The following PCBD1 variants were observed in gnomAD, a reference collection of about 807,000 sequenced individuals.
The protein encoded by PCBD1 is pterin-4-alpha-carbinolamine dehydratase.
In PCBD1, 16 loss-of-function variants were observed where a neutral mutation model predicts 12.6. The observed-to-expected ratio is 1.27, with a 90% CI of 0.86 to 1.93. The LOEUF is 1.93. PCBD1 is among the 30% of genes most tolerant of loss of function. The pLI, the probability that PCBD1 is intolerant of heterozygous loss-of-function variation, is 0.00. For synonymous variants in PCBD1, 53 were observed against 50.2 expected (o/e 1.05, Z -0.23); for missense variants, 86 against 130.1 (o/e 0.66, Z 1.65).
chr10:70,883,217 C>T (rs1274129418), downstream of PCBD1, among the ~76,000 whole-genome samples: 2 of 152,152 alleles, frequency 1.3e-5, no homozygotes, highest in African/African-American at 2.4e-5. Context: ...TAATCACTTG[C>T]GTTCCCTTTA....
At chr10:70,886,367 C>G (rs1007989137) in intron 1 of PCBD1, among the ~76,000 whole-genome samples, 1 of 152,174 alleles carries the variant, frequency 6.6e-6, no homozygotes, top group African/African-American at 2.4e-5. Context: ...TGACTCTCCC[C>G]CCTTCCTTTT....
rs1589483670 is a variant in PCBD1 at position 70,883,684 on chromosome 10, C to T, written c.*266G>A. 4 of 1,336,682 alleles carry T rather than the reference C, an allele frequency of 3.0e-6. No individual in the cohort carries two copies. The East Asian group carries it at 9.5e-5, about 32-fold the overall frequency. The allele number at this position is 1,336,682 out of a possible 1,614,324, so 82.8% of individuals were successfully genotyped here. On this transcript the variant is annotated 3_prime_UTR_variant, in exon 4 of 4. Coordinates refer to ENST00000299299, the MANE Select transcript of PCBD1 (RefSeq NM_000281.4). ...CCTGGCAAGAAAATCATTATTGTTGCTGGGAAGTTGCAAAGAAAGGGGAGA... is the reference window on the plus strand; with the variant it reads ...CCTGGCAAGAAAATCATTATTGTTGTTGGGAAGTTGCAAAGAAAGGGGAGA...
intron 3 of PCBD1, 58 bp downstream of exon 3, chr10:70,885,094 A>T: frequency 1.4e-6 from 2 of 1,394,410 alleles, no homozygotes; most frequent in Non-Finnish European, 2.0e-6. Flanking sequence ...AGAATGTGTC[A>T]GAGTTCGCAG....
intron 1 of PCBD1, among the ~76,000 whole-genome samples, chr10:70,887,564 A>G (rs996598916): frequency 4.0e-5 from 6 of 151,804 alleles, no homozygotes; most frequent in Non-Finnish European, 8.8e-5. Context: ...TGGCTCTTAA[A>G]GGGGTGGGTG....
intron 1 of PCBD1, chr10:70,888,179 A>C: frequency 4.3e-6 from 1 of 232,712 alleles, no homozygotes; most frequent in Non-Finnish European, 8.3e-6. Flanking sequence ...ATAAAGCAGA[A>C]TCGGGCCACC....
Position 70,887,731 on chromosome 10 carries a change from T to G in PCBD1, c.3+800A>C, listed in dbSNP as rs1846607885. On this transcript the variant is annotated intron_variant, in intron 1 of 3. Transcript: ENST00000299299. ...CCCGTTTGCCTCCTCTGGCGAGGTG[T>G]GGGGAGTGGTTACCGATTTCCCAAG... is the stretch of plus-strand genomic sequence containing the variant. The G allele has an allele frequency of 3.9e-5, 6 of 152,162 alleles. No homozygotes were observed. In the South Asian group the frequency reaches 1.2e-3, roughly 32 times the overall value. 9.4% of individuals were successfully genotyped at this position (152,162 alleles called of 1,614,324 possible).
chr10:70,886,007 G>A, intron 1 of PCBD1, 78 bp from the exon 2 acceptor site: 3 of 1,564,940 alleles, frequency 1.9e-6, no homozygotes, highest in Non-Finnish European at 2.6e-6. Flanking sequence ...ACCTTTAGGG[G>A]AACTTAGCTT....
At chr10:70,888,300 G>T in intron 1 of PCBD1, 3 of 407,110 alleles carry the variant, frequency 7.4e-6, no homozygotes, top group Non-Finnish European at 1.3e-5. Context: ...GGTCAGGGCA[G>T]GCCTGGCCTC....
intron 1 of PCBD1, 93 bp from the exon 2 acceptor site, chr10:70,886,022 TGGCTGCTTTGGACGTGGGTGACCAAAG>T (rs1846577640): frequency 6.6e-7 from 1 of 1,516,374 alleles, no homozygotes; most frequent in Non-Finnish European, 9.0e-7. Context: ...TAGCTTCCAC[TGGCTGCTTTGGACGTGGGTGACCAAAG>T]GGCAGCAGGT....
intron 3 of PCBD1, 110 bp from the exon 4 acceptor site, chr10:70,884,158 G>T: frequency 9.4e-7 from 1 of 1,065,784 alleles, no homozygotes; most frequent in East Asian, 2.6e-5. Context: ...CAGCTGGCCA[G>T]TACGATCTCT....
At chr10:70,884,601 C>T (rs1390667633) in intron 3 of PCBD1, among the ~76,000 whole-genome samples, 2 of 151,212 alleles carry the variant, frequency 1.3e-5, no homozygotes, top group Non-Finnish European at 2.9e-5. Flanking sequence ...CCTGCCTCAG[C>T]CTCCCCAGTA....
At position 70,883,910 on chromosome 10, in the gene PCBD1, AC is replaced by A. The variant is rs770555957; in HGVS notation, c.*39del. ...CCCTCCCTGGACTCCCAGTTCAGTC[AC>A]CCCTTCCCCCGGAAGAATTCAAAGA... On this transcript the variant is annotated 3_prime_UTR_variant, in exon 4 of 4. Coordinates refer to ENST00000299299, the MANE Select transcript of PCBD1 (RefSeq NM_000281.4). The A allele has an allele frequency of 3.3e-5, 53 of 1,596,618 alleles. No individual in the cohort carries two copies. The highest frequency in any genetic ancestry group is 3.3e-4 in the Admixed American group (19 of 57,600).
chr10:70,885,157 T>A lies in PCBD1; in HGVS notation c.211A>T (p.Asn71Tyr). The change falls in exon 3 of 4, where the codon AAC becomes TAC. Residue 71 changes from asparagine to tyrosine, a missense_variant. By Grantham distance (143) the Asn-to-Tyr change is moderately radical (BLOSUM62 -2). Transcript: ENST00000299299. ...DHHPEWFNVY[N>Y]KVHITLSTHE... ...AGGCACACAGCATCACTCACCTTGT[T>A]GTACACGTTAAACCATTCAGGATGG... 5.6e-6 allele frequency: 9 copies of A among 1,613,422 alleles called. No individual in the cohort carries two copies. Among genetic ancestry groups the A allele is most frequent in the Non-Finnish European group, 7.6e-6 (9 of 1,179,668 alleles).
chr10:70,883,817 ACT>A lies in PCBD1; in HGVS notation c.*131_*132del. ...GACACTGGCACATCCCACAGCAAGG[ACT>A]CAGCCCTCAACGGCGGCGGCTGGGT... On this transcript the variant is annotated 3_prime_UTR_variant, in exon 4 of 4. Coordinates refer to ENST00000299299, the MANE Select transcript of PCBD1 (RefSeq NM_000281.4). 1 of 1,531,588 alleles carries A rather than the reference ACT, an allele frequency of 6.5e-7. No individual in the cohort carries two copies. The highest frequency in any genetic ancestry group is 1.2e-5 in the South Asian group (1 of 83,122). The allele number at this position is 1,531,588 out of a possible 1,614,324, so 94.9% of individuals were successfully genotyped here. A position where few individuals can be genotyped will look rare whatever the true frequency, so the allele number is the denominator to read the frequency against.
At chr10:70,887,524 C>A (rs1261392157) in intron 1 of PCBD1, among the ~76,000 whole-genome samples, 1 of 152,068 alleles carries the variant, frequency 6.6e-6, no homozygotes, top group African/African-American at 2.4e-5. Flanking sequence ...AGAAGTCAGC[C>A]AAAGCATCAG....
At chr10:70,884,831 TG>T (rs1483829561) in intron 3 of PCBD1, among the ~76,000 whole-genome samples, 1 of 152,204 alleles carries the variant, frequency 6.6e-6, no homozygotes, top group African/African-American at 2.4e-5. Flanking sequence ...CTATGAACAC[TG>T]AATAAGTATG....
intron 3 of PCBD1, 84 bp downstream of exon 3, chr10:70,885,068 A>G: frequency 1.8e-6 from 2 of 1,111,526 alleles, no homozygotes; most frequent in East Asian, 2.4e-5. Flanking sequence ...GCTCATTGTT[A>G]AGTCCAAAAG....
chr10:70,885,326 G>T, intron 2 of PCBD1, 94 bp from the exon 3 acceptor site: 1 of 905,098 alleles, frequency 1.1e-6, no homozygotes. Flanking sequence ...GGATGAATTA[G>T]CTTCCCCCCA....
chr10:70,883,758 C>T lies in PCBD1; in HGVS notation c.*192G>A. ...AGCCCCCAGGATGAAGAGAGTGGTG[C>T]AGGGAAAAGGTCTAAATTCCTGGTG... On this transcript the variant is annotated 3_prime_UTR_variant, in exon 4 of 4. Coordinates refer to ENST00000299299, the MANE Select transcript of PCBD1 (RefSeq NM_000281.4). 1 of 1,472,178 alleles carries T rather than the reference C, an allele frequency of 6.8e-7. No homozygotes were observed. The highest frequency in any genetic ancestry group is 9.0e-7 in the Non-Finnish European group (1 of 1,110,204). 91.2% of individuals were successfully genotyped at this position (1,472,178 alleles called of 1,614,324 possible). A position where few individuals can be genotyped will look rare whatever the true frequency, so the allele number is the denominator to read the frequency against.
Sources: gnomAD v4.1 joint callset for allele counts (sites outside exome capture counted in the v4.1 genomes callset) on GRCh38, gnomAD v4.1.1 for gene constraint, MANE v1.5 for transcripts, NCBI Gene and HGNC (gene_info 2026-07-23, HGNC 2026-07-21) for gene names.